Variants in CCDC85A observed in about 807,000 individuals in gnomAD.
CCDC85A encodes coiled-coil domain-containing protein 85A.
Under a neutral mutation model 50.2 loss-of-function variants are expected in CCDC85A, and 38 were observed. That is an observed-to-expected ratio of 0.76 (90% CI 0.58 to 0.99). CCDC85A has a LOEUF of 0.99. CCDC85A is among the 50% of genes least tolerant of loss of function. The pLI, the probability that CCDC85A is intolerant of heterozygous loss-of-function variation, is 0.00. For synonymous variants in CCDC85A, 366 were observed against 301.4 expected, an observed-to-expected ratio of 1.21 and a Z score of -2.22; for missense variants, 820 against 742.0, an observed-to-expected ratio of 1.11 and a Z score of -1.22.
At chr2:56,216,795 C>A (rs1311058579) in intron 2 of CCDC85A, among the ~76,000 whole-genome samples, 1 of 144,482 alleles carries the variant, frequency 6.9e-6, no homozygotes, top group Non-Finnish European at 1.5e-5. Flanking sequence ...TAAAATTTAT[C>A]TGTGGTCATG....
intron 2 of CCDC85A, among the ~76,000 whole-genome samples, chr2:56,213,125 G>C (rs1447472742): frequency 6.6e-5 from 10 of 152,050 alleles, no homozygotes; most frequent in Non-Finnish European, 8.8e-5. Context: ...CAGAATCAAA[G>C]AAACGAGAAG....
chr2:56,361,897 G>A (rs1448700263), intron 3 of CCDC85A, among the ~76,000 whole-genome samples: 2 of 152,214 alleles, frequency 1.3e-5, no homozygotes, highest in Non-Finnish European at 2.9e-5. Flanking sequence ...GAGACAGGGA[G>A]AGGGGACATT....
intron 2 of CCDC85A, among the ~76,000 whole-genome samples, chr2:56,225,374 C>T (rs953388708): frequency 2.3e-4 from 35 of 152,090 alleles, no homozygotes; most frequent in Admixed American, 2.0e-3. Context: ...TGCAGTGAGC[C>T]GAGACTGCGC....
At chr2:56,230,582 C>T (rs945180154) in intron 2 of CCDC85A, among the ~76,000 whole-genome samples, 2 of 152,168 alleles carry the variant, frequency 1.3e-5, no homozygotes, top group Admixed American at 1.3e-4. Flanking sequence ...CTCACGTCTG[C>T]CCATGGCTGA....
intron 2 of CCDC85A, among the ~76,000 whole-genome samples, chr2:56,240,914 A>G (rs1014572129): frequency 1.3e-5 from 2 of 152,154 alleles, no homozygotes; most frequent in African/African-American, 2.4e-5. Flanking sequence ...TGCATCATGC[A>G]GTGACTCTAT....
chr2:56,225,204 C>G (rs1404516188), intron 2 of CCDC85A, among the ~76,000 whole-genome samples: 1 of 151,854 alleles, frequency 6.6e-6, no homozygotes, highest in Non-Finnish European at 1.5e-5. Flanking sequence ...GTGGGCAGAT[C>G]ACGAGGTCAG....
intron 1 of CCDC85A, among the ~76,000 whole-genome samples, chr2:56,188,512 G>C (rs1676148523): frequency 6.6e-6 from 1 of 152,164 alleles, no homozygotes; most frequent in Non-Finnish European, 1.5e-5. Flanking sequence ...CATAGTCAAA[G>C]GGAAGTATTT....
chr2:56,330,368 A>T (rs1673723459), intron 2 of CCDC85A, among the ~76,000 whole-genome samples: 1 of 152,186 alleles, frequency 6.6e-6, no homozygotes, highest in African/African-American at 2.4e-5. Context: ...AGTTCCTCTG[A>T]GCCAGACTTC....
intron 2 of CCDC85A, among the ~76,000 whole-genome samples, chr2:56,196,699 A>C (rs546580512): frequency 6.6e-6 from 1 of 152,312 alleles, no homozygotes; most frequent in African/African-American, 2.4e-5. Context: ...AAGACAAAGA[A>C]GATTCTGATG....
intron 2 of CCDC85A, among the ~76,000 whole-genome samples, chr2:56,201,201 A>G (rs1016835136): frequency 6.6e-6 from 1 of 151,944 alleles, no homozygotes; most frequent in African/African-American, 2.4e-5. Context: ...AAGATATTGA[A>G]TGGTTTTTTT....
At chr2:56,351,045 T>A (rs991061171) in intron 3 of CCDC85A, among the ~76,000 whole-genome samples, 1 of 110,152 alleles carries the variant, frequency 9.1e-6, no homozygotes, top group Admixed American at 1.1e-4. Flanking sequence ...ATGTTCCCCT[T>A]CCTGTGTCCA....
intron 1 of CCDC85A, among the ~76,000 whole-genome samples, chr2:56,187,769 G>A (rs747125203): frequency 5.9e-5 from 9 of 152,138 alleles, no homozygotes; most frequent in Non-Finnish European, 1.2e-4. Flanking sequence ...GGTGGATGAG[G>A]GAGATTCTAG....
intron 2 of CCDC85A, among the ~76,000 whole-genome samples, chr2:56,258,931 G>A (rs962954628): frequency 1.3e-5 from 2 of 152,290 alleles, no homozygotes; most frequent in Non-Finnish European, 2.9e-5. Context: ...GGTAAGATGT[G>A]GAGCTAAGGC....
At chr2:56,321,635 A>G (rs540608046) in intron 2 of CCDC85A, among the ~76,000 whole-genome samples, 6 of 152,204 alleles carry the variant, frequency 3.9e-5, no homozygotes, top group Non-Finnish European at 7.3e-5. Context: ...GTGCAGTGAA[A>G]TGAAAGAGGA....
In CCDC85A at chr2:56,384,279, A is replaced by C. The variant is rs1451608218; in HGVS notation, c.1586A>C (p.Lys529Thr). 6.2e-7 allele frequency: 1 copy of C among 1,611,026 alleles called. No homozygotes were observed. The highest frequency in any genetic ancestry group is 8.5e-7 in the Non-Finnish European group (1 of 1,178,050). ...TTTTTTTTTAAGGTTGTGTGGAGGA[A>C]ACTTGGAGATGCTGCAGGTTCGTGT... ...VVHSLKVVWR[K>T]LGDAAGSCPG... Residue 529 changes from lysine to threonine, a missense_variant, in exon 6 of 6, where the codon AAA becomes ACA. Coordinates refer to ENST00000407595, the MANE Select transcript of CCDC85A (RefSeq NM_001080433.2).
At chr2:56,356,697 C>G (rs1436870979) in intron 3 of CCDC85A, among the ~76,000 whole-genome samples, 2 of 149,780 alleles carry the variant, frequency 1.3e-5, no homozygotes, top group Non-Finnish European at 1.5e-5. Flanking sequence ...TGCACTTCAG[C>G]CTGGCCGACA....
chr2:56,251,878 TC>T (rs138729859), intron 2 of CCDC85A, among the ~76,000 whole-genome samples: 3,505 of 152,060 alleles, frequency 0.023, 122 homozygotes, highest in African/African-American at 0.077. Context: ...GTGGCTGATT[TC>T]TTTTTTTTCC....
At chr2:56,236,167 A>G (rs1026837366) in intron 2 of CCDC85A, among the ~76,000 whole-genome samples, 22 of 152,192 alleles carry the variant, frequency 1.4e-4, no homozygotes, top group Middle Eastern at 3.2e-3. Context: ...TTCCAGTGTC[A>G]TTGTAAGCAT....
intron 5 of CCDC85A, among the ~76,000 whole-genome samples, chr2:56,379,585 G>C (rs944603426): frequency 6.6e-6 from 1 of 152,160 alleles, no homozygotes; most frequent in African/African-American, 2.4e-5. Context: ...ATAGATTTCA[G>C]AACAATCAGC....
Sources: allele counts gnomAD v4.1 joint callset (sites outside exome capture counted in the v4.1 genomes callset), GRCh38; gene constraint gnomAD v4.1.1; transcripts MANE v1.5; gene names NCBI Gene and HGNC (gene_info 2026-07-23, HGNC 2026-07-21).